Variants in SKIC2 observed in about 807,000 individuals in gnomAD.
SKIC2 encodes SKI2 subunit of superkiller complex, also known as superkiller complex protein 2.
the SKIC2 span, chr6:31,964,140 G>A: frequency 1.3e-5 from 21 of 1,611,272 alleles, no homozygotes; most frequent in East Asian, 6.7e-5. The surrounding 1 kb of genome is among the most constrained non-coding windows in gnomAD (Gnocchi z 5.0). Context: ...GTCTGTGTGC[G>A]TCTGTGTGCG....
the SKIC2 span, chr6:31,969,166 AC>A: frequency 6.5e-7 from 1 of 1,547,192 alleles, no homozygotes; most frequent in African/African-American, 1.4e-5. This position sits in a 1 kb window ranked among gnomAD's most constrained non-coding sequence, Gnocchi z 6.1. Context: ...CCCCCAGGTG[AC>A]CCCCTCCAGC....
At chr6:31,962,364 A>G in the SKIC2 span, 1 of 1,507,880 alleles carries the variant, frequency 6.6e-7, no homozygotes, top group Non-Finnish European at 9.2e-7. The surrounding 1 kb of genome is among the most constrained non-coding windows in gnomAD (Gnocchi z 5.0). Flanking sequence ...TGCTTCCACG[A>G]GGGCTCCATG....
At chr6:31,959,189 C>A in the SKIC2 span, 18 of 1,610,036 alleles carry the variant, frequency 1.1e-5, no homozygotes, top group East Asian at 2.2e-5. Context: ...GCTGTGGCTC[C>A]AGGATGATGG....
chr6:31,968,447 T>C, the SKIC2 span: 26 of 1,612,772 alleles, frequency 1.6e-5, no homozygotes, highest in African/African-American at 4.0e-5. This position sits in a 1 kb window ranked among gnomAD's most constrained non-coding sequence, Gnocchi z 6.1. Flanking sequence ...CTCAAAGATA[T>C]GTCAGTTGTA....
the SKIC2 span, chr6:31,966,909 G>C: frequency 1.2e-6 from 2 of 1,613,466 alleles, no homozygotes; most frequent in Non-Finnish European, 1.7e-6. The surrounding 1 kb of genome is among the most constrained non-coding windows in gnomAD (Gnocchi z 5.9). Context: ...GCTGGGAATA[G>C]GTAGGCATCC....
chr6:31,967,361 T>C, the SKIC2 span: 5 of 1,611,786 alleles, frequency 3.1e-6, no homozygotes, highest in South Asian at 4.4e-5. This position sits in a 1 kb window ranked among gnomAD's most constrained non-coding sequence, Gnocchi z 4.9. Context: ...CACAACGCAT[T>C]GGGAGTGATC....
At chr6:31,967,499 C>T in the SKIC2 span, 36 of 814,796 alleles carry the variant, frequency 4.4e-5, no homozygotes, top group Non-Finnish European at 6.4e-5. The surrounding 1 kb of genome is among the most constrained non-coding windows in gnomAD (Gnocchi z 4.9). Flanking sequence ...TCTTGCCCTC[C>T]TTTTCACCCT....
the SKIC2 span, among the ~76,000 whole-genome samples, chr6:31,964,555 C>T: frequency 3.6e-4 from 55 of 152,166 alleles, no homozygotes; most frequent in Non-Finnish European, 5.1e-4. The surrounding 1 kb of genome is among the most constrained non-coding windows in gnomAD (Gnocchi z 5.0). Flanking sequence ...CTTTAGGTTT[C>T]CCATCTTAAA....
the SKIC2 span, chr6:31,960,145 T>G: frequency 6.2e-7 from 1 of 1,606,830 alleles, no homozygotes; most frequent in African/African-American, 1.3e-5. Flanking sequence ...GGGCTTAGAC[T>G]AGGGTGATGG....
the SKIC2 span, chr6:31,969,360 A>G: frequency 1.2e-6 from 2 of 1,614,034 alleles, 1 homozygote; most frequent in Non-Finnish European, 1.7e-6. This position sits in a 1 kb window ranked among gnomAD's most constrained non-coding sequence, Gnocchi z 6.1. Context: ...CGGTGGAGGA[A>G]TTTGTGGGGG....
At chr6:31,960,244 C>G in the SKIC2 span, 3 of 1,613,106 alleles carry the variant, frequency 1.9e-6, no homozygotes, top group Non-Finnish European at 2.5e-6. Flanking sequence ...AGACGGATCC[C>G]TGGTCTCTTT....
chr6:31,961,499 A>G, the SKIC2 span: 1 of 1,553,526 alleles, frequency 6.4e-7, no homozygotes, highest in Non-Finnish European at 8.7e-7. Context: ...GTGCTAATTG[A>G]GAGCCCTCTG....
chr6:31,960,815 A>T, the SKIC2 span: 43 of 1,170,082 alleles, frequency 3.7e-5, no homozygotes, highest in African/African-American at 5.7e-4. Flanking sequence ...TAGCCCTCCC[A>T]TGTTTTTGAG....
At chr6:31,967,355 A>G in the SKIC2 span, 8 of 1,612,346 alleles carry the variant, frequency 5.0e-6, no homozygotes, top group Non-Finnish European at 6.8e-6. The surrounding 1 kb of genome is among the most constrained non-coding windows in gnomAD (Gnocchi z 4.9). Flanking sequence ...GAGCATCACA[A>G]CGCATTGGGA....
the SKIC2 span, chr6:31,968,775 T>C: frequency 2.3e-4 from 369 of 1,612,146 alleles, no homozygotes; most frequent in East Asian, 5.0e-3. This position sits in a 1 kb window ranked among gnomAD's most constrained non-coding sequence, Gnocchi z 6.1. Context: ...TGCTGCTTCC[T>C]GAGTACCATC....
At chr6:31,962,199 G>A in the SKIC2 span, 1 of 976,744 alleles carries the variant, frequency 1.0e-6, no homozygotes, top group Non-Finnish European at 1.5e-6. This position sits in a 1 kb window ranked among gnomAD's most constrained non-coding sequence, Gnocchi z 5.0. Flanking sequence ...AGAGCCCAGA[G>A]AGAAATGAAA....
the SKIC2 span, chr6:31,967,641 G>C: frequency 4.6e-6 from 7 of 1,534,554 alleles, no homozygotes; most frequent in Non-Finnish European, 6.3e-6. The surrounding 1 kb of genome is among the most constrained non-coding windows in gnomAD (Gnocchi z 4.9). Flanking sequence ...CCTGCCCAAG[G>C]GTGGGTATCT....
At chr6:31,965,864 G>A in the SKIC2 span, 2 of 1,612,912 alleles carry the variant, frequency 1.2e-6, no homozygotes, top group South Asian at 2.2e-5. This position sits in a 1 kb window ranked among gnomAD's most constrained non-coding sequence, Gnocchi z 5.6. Flanking sequence ...GCGCAAACAC[G>A]ATGGCTCCAC....
At chr6:31,959,266 T>G in the SKIC2 span, 1 of 1,608,116 alleles carries the variant, frequency 6.2e-7, no homozygotes, top group South Asian at 1.1e-5. Context: ...GGAATGAACT[T>G]TGACCCCTGA....
Sources: gnomAD v4.1 joint callset for allele counts (sites outside exome capture counted in the v4.1 genomes callset) on GRCh38, gnomAD v4.1.1 for gene constraint, Gnocchi (gnomAD v3.1) non-coding constraint, MANE v1.5 for transcripts, NCBI Gene and HGNC (gene_info 2026-07-23, HGNC 2026-07-21) for gene names.